AGBL1: variants seen among roughly 807,000 people sequenced by gnomAD.
AGBL1 encodes cytosolic carboxypeptidase 4.
In AGBL1, 130 loss-of-function variants were observed where a neutral mutation model predicts 118.9. The ratio of observed to expected loss-of-function variants is 1.09; its 90% CI spans 0.95 to 1.26. The LOEUF is 1.26. Among genes scored for constraint, AGBL1 ranks in the 50% most tolerant of loss-of-function variants. The probability of loss-of-function intolerance (pLI) is 0.00; values close to 1 mark genes in which losing one functional copy is unlikely to be tolerated. For synonymous variants in AGBL1, 555 were observed against 478.9 expected, an observed-to-expected ratio of 1.16 and a Z score of -2.08; for missense variants, 1,584 against 1,298.1, an observed-to-expected ratio of 1.22 and a Z score of -3.38.
At chr15:86,231,260 T>C (rs951604188) in intron 6 of AGBL1, among the ~76,000 whole-genome samples, 3 of 152,204 alleles carry the variant, frequency 2.0e-5, no homozygotes, top group African/African-American at 7.2e-5. Flanking sequence ...TAGCTGATAA[T>C]ACATTAATGT....
chr15:86,349,755 G>A (rs1241881476), intron 17 of AGBL1, among the ~76,000 whole-genome samples: 3 of 152,170 alleles, frequency 2.0e-5, no homozygotes, highest in Non-Finnish European at 4.4e-5. Context: ...TGAGATGTCT[G>A]TGTAAATCCT....
At chr15:86,396,000 G>A (rs976441388) in intron 17 of AGBL1, among the ~76,000 whole-genome samples, 2 of 151,342 alleles carry the variant, frequency 1.3e-5, no homozygotes, top group Admixed American at 6.6e-5. Context: ...TTGTCTTTCC[G>A]TGTGTGTCTT....
intron 17 of AGBL1, among the ~76,000 whole-genome samples, chr15:86,326,811 T>A (rs2080191280): frequency 6.6e-6 from 1 of 152,174 alleles, no homozygotes; most frequent in African/African-American, 2.4e-5. Flanking sequence ...TGGTAACAAC[T>A]GATGAAGTAT....
intron 22 of AGBL1, among the ~76,000 whole-genome samples, chr15:86,778,920 C>T (rs995703965): frequency 2.7e-5 from 4 of 149,248 alleles, no homozygotes; most frequent in South Asian, 2.1e-4. Flanking sequence ...TAAAGACAGG[C>T]GTAAGAAATT....
At chr15:86,991,805 C>T (rs1163471540) in intron 24 of AGBL1, among the ~76,000 whole-genome samples, 1 of 152,160 alleles carries the variant, frequency 6.6e-6, no homozygotes, top group Non-Finnish European at 1.5e-5. Flanking sequence ...TCACCAAGGA[C>T]ACCCAAAATC....
chr15:86,745,307 T>C (rs2077739718), intron 22 of AGBL1, among the ~76,000 whole-genome samples: 1 of 152,024 alleles, frequency 6.6e-6, no homozygotes, highest in Non-Finnish European at 1.5e-5. Context: ...ATTTAAAAAA[T>C]GGGAATATAG....
At position 86,753,596 on chromosome 15, in the gene AGBL1, C is replaced by G. The variant is rs1180249486; in HGVS notation, c.3158+79160C>G. Among the ~76,000 whole-genome samples the G allele has an allele frequency of 4.6e-5, 7 of 152,026 alleles. No homozygotes were observed. In the East Asian group the frequency reaches 9.7e-4, roughly 21 times the overall value. ...TATTTTTAGTAGAGACGGGGTTTCA[C>G]CATATTGGCCAGGCTTGTCTTGAAC... On this transcript the variant is annotated intron_variant, in intron 22 of 22. Coordinates refer to ENST00000614907, the MANE Select transcript of AGBL1 (RefSeq NM_001386094.1).
intron 18 of AGBL1, among the ~76,000 whole-genome samples, chr15:86,425,193 T>C (rs955603712): frequency 2.0e-5 from 3 of 152,170 alleles, no homozygotes; most frequent in Admixed American, 6.5e-5. Context: ...ATATACACCA[T>C]GGAATACTAT....
intron 18 of AGBL1, among the ~76,000 whole-genome samples, chr15:86,437,931 A>G (rs1396184508): frequency 6.6e-6 from 1 of 151,748 alleles, no homozygotes; most frequent in Non-Finnish European, 1.5e-5. Flanking sequence ...TTGGAGACGG[A>G]GTCTCATTCT....
intron 7 of AGBL1, among the ~76,000 whole-genome samples, chr15:86,253,268 T>A (rs1307696568): frequency 6.6e-6 from 1 of 152,196 alleles, no homozygotes; most frequent in Non-Finnish European, 1.5e-5. Context: ...TGTTTTGTTT[T>A]GAGATGGAGT....
intron 18 of AGBL1, among the ~76,000 whole-genome samples, chr15:86,434,721 A>C (rs566231457): frequency 6.6e-6 from 1 of 152,320 alleles, no homozygotes; most frequent in East Asian, 1.9e-4. Flanking sequence ...CTGACACCAG[A>C]GGATGTCAGA....
At position 86,367,976 on chromosome 15, in the gene AGBL1, G is replaced by C. The variant is rs1163421877; in HGVS notation, c.2375-29390G>C. 9.2e-5 allele frequency among the ~76,000 whole-genome samples: 14 copies of C among 152,098 alleles called. No homozygotes were observed. In the East Asian group the frequency reaches 2.1e-3, roughly 23 times the overall value. ...GCTAAAACTAATAAACATGGGTTAGGGTTCTAGAGTCAGGCTCACTATTTG... is the reference window on the plus strand; with the variant it reads ...GCTAAAACTAATAAACATGGGTTAGCGTTCTAGAGTCAGGCTCACTATTTG... On this transcript the variant is annotated intron_variant, in intron 17 of 22. Coordinates refer to ENST00000614907, the MANE Select transcript of AGBL1 (RefSeq NM_001386094.1).
intron 22 of AGBL1, among the ~76,000 whole-genome samples, chr15:86,855,537 T>C (rs531616116): frequency 2.6e-4 from 40 of 152,286 alleles, no homozygotes; most frequent in Non-Finnish European, 8.8e-5. Context: ...TTCCTCCTCC[T>C]ATCAGGCAGA....
intron 23 of AGBL1, among the ~76,000 whole-genome samples, chr15:86,936,138 G>T (rs2080671339): frequency 6.6e-6 from 1 of 152,154 alleles, no homozygotes; most frequent in Admixed American, 6.5e-5. Context: ...GCCACTAAGT[G>T]CACACCATCT....
chr15:86,758,231 C>T (rs776084428), intron 22 of AGBL1, among the ~76,000 whole-genome samples: 2 of 152,194 alleles, frequency 1.3e-5, no homozygotes, highest in African/African-American at 2.4e-5. Flanking sequence ...CAATGGCCTT[C>T]CTTTCATTTC....
intron 21 of AGBL1, among the ~76,000 whole-genome samples, chr15:86,598,589 C>T (rs1273118044): frequency 6.6e-6 from 1 of 152,028 alleles, no homozygotes; most frequent in Non-Finnish European, 1.5e-5. Context: ...CCATCTAGGG[C>T]AGAAGTAGTG....
At chr15:86,667,820 AT>A (rs2085673838) in intron 21 of AGBL1, among the ~76,000 whole-genome samples, 1 of 152,126 alleles carries the variant, frequency 6.6e-6, no homozygotes, top group Non-Finnish European at 1.5e-5. Flanking sequence ...TTAGCTCATC[AT>A]TTTAATCTAA....
chr15:86,987,851 G>A, intron 23 of AGBL1: 3 of 836,886 alleles, frequency 3.6e-6, no homozygotes, highest in Non-Finnish European at 5.1e-6. Context: ...TATGTTGCTG[G>A]TATCTTACTA....
chr15:86,278,304 TGTTA>T (rs111908660), intron 15 of AGBL1, among the ~76,000 whole-genome samples: 2,720 of 152,276 alleles, frequency 0.018, 97 homozygotes, highest in African/African-American at 0.063. Flanking sequence ...GGGCTTATGT[TGTTA>T]CAGGGTACCC....
Sources: allele counts gnomAD v4.1 joint callset (sites outside exome capture counted in the v4.1 genomes callset), GRCh38; gene constraint gnomAD v4.1.1; transcripts MANE v1.5; gene names NCBI Gene and HGNC (gene_info 2026-07-23, HGNC 2026-07-21).